Variants in XKR6 observed in about 807,000 individuals in gnomAD.
The protein encoded by XKR6 is XK-related protein 6.
XKR6 carries 22 observed loss-of-function variants against 56.7 expected under a neutral mutation model. That is an observed-to-expected ratio of 0.39 (90% CI 0.28 to 0.55). The LOEUF is 0.55. Among genes scored for constraint, XKR6 ranks in the 20% least tolerant of loss-of-function variants. The pLI is 0.66. For synonymous variants in XKR6, 524 were observed against 387.8 expected (o/e 1.35, Z -4.13); for missense variants, 852 against 889.0 (o/e 0.96, Z 0.53).
In XKR6 at chr8:11,195,218, C is replaced by A. The variant is rs571987381; in HGVS notation, c.764+5358G>T. ...TCCTTGATGGTACCAAAGGGTCTTGCCCACTGCAACATTATAAAAAATAAT... is the reference window on the plus strand; with the variant it reads ...TCCTTGATGGTACCAAAGGGTCTTGACCACTGCAACATTATAAAAAATAAT... On this transcript the variant is annotated intron_variant, in intron 1 of 2. Coordinates refer to ENST00000416569, the MANE Select transcript of XKR6 (RefSeq NM_173683.4). The A allele has an allele frequency of 1.3e-5, 9 of 702,352 alleles. No individual in the cohort carries two copies. The South Asian group carries it at 1.3e-4, about 10-fold the overall frequency. 43.5% of individuals were successfully genotyped at this position (702,352 alleles called of 1,614,324 possible). A position where few individuals can be genotyped will look rare whatever the true frequency, so the allele number is the denominator to read the frequency against.
chr8:11,152,150 A>T (rs1399390674), intron 1 of XKR6, among the ~76,000 whole-genome samples: 1 of 152,186 alleles, frequency 6.6e-6, no homozygotes, highest in East Asian at 1.9e-4. Flanking sequence ...CCAGCAGTAA[A>T]AAGTGACACT....
intron 1 of XKR6, among the ~76,000 whole-genome samples, chr8:11,043,921 G>T (rs921185100): frequency 7.9e-5 from 12 of 152,350 alleles, no homozygotes; most frequent in Middle Eastern, 3.4e-3. Context: ...GGTGAAGTCA[G>T]GCACACCTAC....
At chr8:11,192,456 T>A (rs1006768786) in intron 1 of XKR6, among the ~76,000 whole-genome samples, 1 of 152,116 alleles carries the variant, frequency 6.6e-6, no homozygotes, top group Non-Finnish European at 1.5e-5. Flanking sequence ...CCTACAAAAA[T>A]CTTTTTAAAC....
At chr8:11,006,042 C>G (rs1269520434) in intron 1 of XKR6, among the ~76,000 whole-genome samples, 1 of 152,042 alleles carries the variant, frequency 6.6e-6, no homozygotes, top group African/African-American at 2.4e-5. Context: ...CGGGGTTTCA[C>G]CATGGTGGCC....
chr8:11,184,941 T>A (rs1239729745), intron 1 of XKR6, among the ~76,000 whole-genome samples: 1 of 152,190 alleles, frequency 6.6e-6, no homozygotes, highest in East Asian at 1.9e-4. Context: ...AATAACATCG[T>A]TTCATTGACC....
At chr8:11,131,409 ATT>A (rs552810114) in intron 1 of XKR6, among the ~76,000 whole-genome samples, 2 of 152,028 alleles carry the variant, frequency 1.3e-5, no homozygotes, top group Non-Finnish European at 2.9e-5. Flanking sequence ...TGATGAAATC[ATT>A]TTTTTTGAGT....
intron 1 of XKR6, chr8:11,105,087 A>C (rs1798626653): frequency 6.6e-6 from 1 of 152,150 alleles, no homozygotes; most frequent in Non-Finnish European, 1.5e-5. Flanking sequence ...ACCCTGGTTA[A>C]TGTCCTGTGA....
At chr8:11,198,005 A>T (rs1016618262) in intron 1 of XKR6, among the ~76,000 whole-genome samples, 29 of 152,238 alleles carry the variant, frequency 1.9e-4, no homozygotes, top group African/African-American at 6.5e-4. Flanking sequence ...GGCCCAAACC[A>T]AATGATAGAA....
At position 11,200,057 on chromosome 8, in the gene XKR6, G is replaced by C. The variant is rs764380922; in HGVS notation, c.764+519C>G. Among the ~76,000 whole-genome samples the C allele has an allele frequency of 3.3e-5, 5 of 152,220 alleles. No individual in the cohort carries two copies. The highest frequency in any genetic ancestry group is 7.3e-5 in the Non-Finnish European group (5 of 68,038). ...GGCTGGGAGTGCAGGAGGGGGAAGG[G>C]GCGTGGAATCCAGGAGTGCTCGGAG... On this transcript the variant is annotated intron_variant, in intron 1 of 2. Coordinates refer to ENST00000416569, the MANE Select transcript of XKR6 (RefSeq NM_173683.4). This position sits in a 1 kb window ranked among gnomAD's most constrained non-coding sequence, Gnocchi z 6.4.
intron 1 of XKR6, among the ~76,000 whole-genome samples, chr8:11,005,356 T>C (rs140995285): frequency 9.7e-4 from 145 of 149,622 alleles, no homozygotes; most frequent in African/African-American, 3.5e-3. Flanking sequence ...GAAGTGACTG[T>C]AGTAGATATA....
intron 1 of XKR6, among the ~76,000 whole-genome samples, chr8:11,003,024 C>A (rs1237186810): frequency 2.6e-5 from 4 of 152,048 alleles, no homozygotes; most frequent in Non-Finnish European, 5.9e-5. Context: ...TCCAATCTAA[C>A]AATTCCAAGT....
chr8:10,995,768 G>C (rs148778615), intron 1 of XKR6, among the ~76,000 whole-genome samples: 3 of 152,092 alleles, frequency 2.0e-5, no homozygotes, highest in African/African-American at 7.2e-5. Flanking sequence ...CTACGATGAA[G>C]GCTGCACCTG....
chr8:10,910,554 G>A (rs1351859472), intron 2 of XKR6, among the ~76,000 whole-genome samples: 1 of 152,146 alleles, frequency 6.6e-6, no homozygotes, highest in African/African-American at 2.4e-5. Flanking sequence ...CAGGAAAGAC[G>A]ACATGTGAGA....
intron 1 of XKR6, chr8:11,137,720 G>T (rs576751879): frequency 2.2e-6 from 1 of 456,238 alleles, no homozygotes; most frequent in Non-Finnish European, 4.4e-6. Flanking sequence ...CCTGAAATAG[G>T]AAAGAAGAAA....
chr8:11,045,328 T>C (rs943716270), intron 1 of XKR6, among the ~76,000 whole-genome samples: 8 of 152,148 alleles, frequency 5.3e-5, no homozygotes, highest in Admixed American at 6.5e-5. Context: ...CCTCAAGTGA[T>C]CTACCCATCT....
At chr8:11,178,412 C>T (rs778831392) in intron 1 of XKR6, among the ~76,000 whole-genome samples, 16 of 151,746 alleles carry the variant, frequency 1.1e-4, no homozygotes, top group Non-Finnish European at 2.2e-4. Context: ...AGAGCACCAC[C>T]TGAATTCCAA....
At chr8:11,165,982 G>C (rs537020708) in intron 1 of XKR6, among the ~76,000 whole-genome samples, 7 of 147,416 alleles carry the variant, frequency 4.7e-5, no homozygotes, top group Non-Finnish European at 7.4e-5. Context: ...TTGAGATGGA[G>C]TCTCACTCTG....
At chr8:11,195,583 C>CA (rs1020402384) in intron 1 of XKR6, among the ~76,000 whole-genome samples, 2 of 152,092 alleles carry the variant, frequency 1.3e-5, no homozygotes, top group African/African-American at 4.8e-5. Context: ...TTTGACTACT[C>CA]AAACACATTT....
At chr8:10,918,534 C>T (rs978151125) in intron 2 of XKR6, among the ~76,000 whole-genome samples, 13 of 152,226 alleles carry the variant, frequency 8.5e-5, no homozygotes, top group Non-Finnish European at 1.5e-4. Context: ...CTGCAGAATC[C>T]GCACAGATTT....
Sources: gnomAD v4.1 joint callset for allele counts (sites outside exome capture counted in the v4.1 genomes callset) on GRCh38, gnomAD v4.1.1 for gene constraint, Gnocchi (gnomAD v3.1) non-coding constraint, MANE v1.5 for transcripts, NCBI Gene and HGNC (gene_info 2026-07-23, HGNC 2026-07-21) for gene names.